The following RBM23 variants were observed in gnomAD, a reference collection of about 807,000 sequenced individuals.
RBM23 encodes RNA binding motif protein 23.
A neutral mutation model predicts 56.2 loss-of-function variants in RBM23; 53 were observed. The ratio of observed to expected loss-of-function variants is 0.94; its 90% CI spans 0.76 to 1.19. The LOEUF (loss-of-function observed/expected upper bound fraction) is 1.19, where lower values mean the gene tolerates loss of function less well. RBM23 is among the 50% of genes most tolerant of loss of function. RBM23 has a pLI of 0.00. For synonymous variants in RBM23, 197 were observed against 198.5 expected, an observed-to-expected ratio of 0.99 and a Z score of 0.06; for missense variants, 642 against 590.3, an observed-to-expected ratio of 1.09 and a Z score of -0.91.
chr14:22,901,803 C>T lies in RBM23; in HGVS notation c.1316+11G>A, dbSNP rs534337472. On this transcript the variant is annotated intron_variant, in intron 13 of 13. Coordinates refer to ENST00000359890, the MANE Select transcript of RBM23 (RefSeq NM_001077351.2). ...ATCAAAGGCTAGAATGAGCTAGACC[C>T]TGAGACTCACATGGTCTGGGGGGTA... 1.2e-6 allele frequency: 2 copies of T among 1,613,910 alleles called. No homozygotes were observed. The highest frequency in any genetic ancestry group is 1.7e-6 in the Non-Finnish European group (2 of 1,179,898).
At position 22,898,670 on chromosome 14, in the gene RBM23, C is replaced by T. The variant is rs928694027; in HGVS notation, c.*3060G>A. ...TCCCAGCAAGAGGCTATGTGAGGAACTAAGAACAAGAAAGAACTGAGGTGG... is the reference window on the plus strand; with the variant it reads ...TCCCAGCAAGAGGCTATGTGAGGAATTAAGAACAAGAAAGAACTGAGGTGG... On this transcript the variant is annotated 3_prime_UTR_variant, in exon 14 of 14. Transcript: ENST00000359890. 2.0e-5 allele frequency: 3 copies of T among 151,734 alleles called. No individual in the cohort carries two copies. The highest frequency in any genetic ancestry group is 7.3e-5 in the African/African-American group (3 of 41,264). 9.4% of individuals were successfully genotyped at this position (151,734 alleles called of 1,614,324 possible). A position where few individuals can be genotyped will look rare whatever the true frequency, so the allele number is the denominator to read the frequency against.
intron 1 of RBM23, among the ~76,000 whole-genome samples, chr14:22,915,469 G>T (rs934919167): frequency 2.0e-5 from 3 of 150,548 alleles, no homozygotes; most frequent in Non-Finnish European, 4.4e-5. Context: ...AAAGTGCTGG[G>T]ATTACAGGCA....
chr14:22,911,358 G>A lies in RBM23; in HGVS notation c.36C>T (p.Ala12=), dbSNP rs1485712889. The A allele has an allele frequency of 3.1e-6, 5 of 1,613,760 alleles. No homozygotes were observed. The highest frequency in any genetic ancestry group is 4.2e-6 in the Non-Finnish European group (5 of 1,179,754). The change falls in exon 2 of 14, where the codon GCC becomes GCT. Residue 12 remains alanine, a synonymous_variant. Coordinates refer to ENST00000359890, the MANE Select transcript of RBM23 (RefSeq NM_001077351.2). The part of the protein sequence containing the change: ...ASDDFDIVIE[A]MLEAPYKKEE... ...CTTTTTTATAGGGAGCTTCCAGCATGGCCTCAATCACTATGTCAAAGTCAT... is the reference window on the plus strand; with the variant it reads ...CTTTTTTATAGGGAGCTTCCAGCATAGCCTCAATCACTATGTCAAAGTCAT...
chr14:22,900,893 G>C lies in RBM23; in HGVS notation c.*837C>G, dbSNP rs2040406564. ...GGGATGGGAGTAGCTATAATTGCCA[G>C]GGTTGAGGCCACAGTAGAGGCACAC... On this transcript the variant is annotated 3_prime_UTR_variant, in exon 14 of 14. Transcript: ENST00000359890. 6.6e-6 allele frequency: 1 copy of C among 152,240 alleles called. No individual in the cohort carries two copies. Among genetic ancestry groups the C allele is most frequent in the African/African-American group, 2.4e-5 (1 of 41,512 alleles). The allele number at this position is 152,240 out of a possible 1,614,324, so 9.4% of individuals were successfully genotyped here.
rs1481513495 is a variant in RBM23, at chr14:22,902,535, A to C, written c.931-153T>G. 5.2e-6 allele frequency: 7 copies of C among 1,357,778 alleles called. No homozygotes were observed. In the African/African-American group the frequency reaches 1.0e-4, roughly 20 times the overall value. 84.1% of individuals were successfully genotyped at this position (1,357,778 alleles called of 1,614,324 possible). On this transcript the variant is annotated intron_variant, in intron 10 of 13. Transcript: ENST00000359890. ...CCAGAAAATATGACCTAGGCCCATC[A>C]CCTCAAAATGGTTCTCTGAAAAGGA...
intron 1 of RBM23, chr14:22,911,614 TG>T (rs2042535239): frequency 5.0e-6 from 2 of 400,042 alleles, no homozygotes; most frequent in South Asian, 2.9e-5. Context: ...CTTTGTGGCT[TG>T]GAACAGTCAA....
intron 9 of RBM23, 57 bp downstream of exon 9, chr14:22,904,818 A>C (rs1298529242): frequency 1.2e-6 from 2 of 1,605,858 alleles, no homozygotes; most frequent in East Asian, 2.2e-5. Context: ...ACACTCAAAC[A>C]CTCACCCTCC....
rs748576307 is a variant in RBM23 at position 22,911,343 on chromosome 14, G to A, written c.51C>T (p.Pro17=). 4.3e-6 allele frequency: 7 copies of A among 1,613,468 alleles called. No individual in the cohort carries two copies. The highest frequency in any genetic ancestry group is 5.9e-6 in the Non-Finnish European group (7 of 1,179,650). Residue 17 remains proline, a synonymous_variant, in exon 2 of 14, where the codon CCC becomes CCT. Transcript: ENST00000359890. ...AAAATATTACCTCTTCTTTTTTATA[G>A]GGAGCTTCCAGCATGGCCTCAATCA... ...DIVIEAMLEA[P]YKKEEDEQQR... is the part of the protein sequence containing the mutation.
At position 22,902,056 on chromosome 14, in the gene RBM23, G is replaced by GGCGGCA. The variant is rs1555335713; in HGVS notation, c.1169_1170insTGCCGC (p.Ala392_Ala393dup). ...GCAAGGCAGCAGCCTGGGCGGCGGC[G>GGCGGCA]GCAGCAGCAGCAGCAGCAGTGCTTG... On this transcript the variant is annotated inframe_insertion, in exon 12 of 14. Transcript: ENST00000359890. 1.0e-4 allele frequency: 164 copies of GGCGGCA among 1,605,910 alleles called. No individual in the cohort carries two copies. Among genetic ancestry groups the GGCGGCA allele is most frequent in the South Asian group, 5.3e-4 (48 of 90,078 alleles).
Position 22,906,244 on chromosome 14 carries a change from G to A in RBM23, c.352C>T (p.His118Tyr). 1.2e-6 allele frequency: 2 copies of A among 1,614,236 alleles called. No individual in the cohort carries two copies. The highest frequency in any genetic ancestry group is 1.7e-6 in the Non-Finnish European group (2 of 1,180,048). The change falls in exon 5 of 14, where the codon CAT becomes TAT. Residue 118 changes from histidine to tyrosine, a missense_variant. By Grantham distance (83) the His-to-Tyr change is moderately conservative. Coordinates refer to ENST00000359890, the MANE Select transcript of RBM23 (RefSeq NM_001077351.2). ...RHGSESRSRD[H>Y]RREDRVHYRS... is the part of the protein sequence containing the mutation. ...TAATGCACACGATCCTCACGACGATGGTCCCGACTTCGCGACTCACTACCA... is the reference window on the plus strand; with the variant it reads ...TAATGCACACGATCCTCACGACGATAGTCCCGACTTCGCGACTCACTACCA...
At chr14:22,915,496 CT>C (rs71115587) in intron 1 of RBM23, among the ~76,000 whole-genome samples, 63,636 of 123,712 alleles carry the variant, frequency 0.51, 16,443 homozygotes, top group South Asian at 0.7. Context: ...CCATGCCTGG[CT>C]TTTTTTTTTT....
intron 10 of RBM23, chr14:22,903,859 G>A: frequency 8.8e-7 from 1 of 1,137,348 alleles, no homozygotes; most frequent in Non-Finnish European, 1.1e-6. Context: ...AAATGGGGTA[G>A]CACCAGAGGG....
chr14:22,911,074 G>A (rs1185968020), intron 2 of RBM23, among the ~76,000 whole-genome samples: 3 of 152,158 alleles, frequency 2.0e-5, no homozygotes, highest in African/African-American at 4.8e-5. Context: ...GTGTCACTTC[G>A]AGTTTTGAGC....
At chr14:22,904,664 C>G (rs1409605772) in intron 9 of RBM23, among the ~76,000 whole-genome samples, 2 of 152,030 alleles carry the variant, frequency 1.3e-5, no homozygotes, top group African/African-American at 4.8e-5. Context: ...TCTTTCTTAA[C>G]CTGGCCTATT....
chr14:22,908,526 G>A (rs1207790248), intron 3 of RBM23, 146 bp from the exon 4 acceptor site: 7 of 776,904 alleles, frequency 9.0e-6, no homozygotes, highest in Non-Finnish European at 1.4e-5. Context: ...CTGAGTAGCT[G>A]GGATTACAGG....
rs765595166 is a variant in RBM23 at position 22,905,266 on chromosome 14, A to T, written c.574-20T>A. 2.5e-6 allele frequency: 4 copies of T among 1,613,904 alleles called. No homozygotes were observed. The highest frequency in any genetic ancestry group is 3.4e-6 in the Non-Finnish European group (4 of 1,179,910). ...GCGAACCTATCCAGGACGCAAAAGA[A>T]ATCCTGAGTTAGGCATAAAGGGAGA... On this transcript the variant is annotated intron_variant, in intron 7 of 13. Transcript: ENST00000359890.
In RBM23 at chr14:22,905,630, T is replaced by G; in HGVS notation, c.431A>C (p.His144Pro). 6.2e-7 allele frequency: 1 copy of G among 1,610,284 alleles called. No individual in the cohort carries two copies. Among genetic ancestry groups the G allele is most frequent in the South Asian group, 1.1e-5 (1 of 91,002 alleles). Residue 144 changes from histidine (H) to proline (P), a missense_variant, in exon 6 of 14, where the codon CAT becomes CCT. Physicochemically the swap from His to Pro is moderately conservative, Grantham distance 77 (BLOSUM62 -2). Transcript: ENST00000359890. ...GYRYGHSKSP[H>P]FREKSPVREP... is the part of the protein sequence containing the mutation. Reference sequence around the variant, plus strand: ...CCTGACTGGGCTCTTCTCTCTGAAATGAGGACTCTTACTGTGTCCATACCT... The same window carrying G: ...CCTGACTGGGCTCTTCTCTCTGAAAGGAGGACTCTTACTGTGTCCATACCT...
intron 1 of RBM23, among the ~76,000 whole-genome samples, chr14:22,918,194 AG>A (rs1353214231): frequency 2.0e-5 from 3 of 151,984 alleles, no homozygotes; most frequent in Non-Finnish European, 2.9e-5. Flanking sequence ...CAGGAGTTCG[AG>A]GTCAGCCTGG....
chr14:22,903,589 C>T (rs1357714679), intron 10 of RBM23: 1 of 989,316 alleles, frequency 1.0e-6, no homozygotes, highest in South Asian at 4.6e-5. Flanking sequence ...CAACCTACTG[C>T]CCTCTGCCCT....
Sources: gnomAD v4.1 joint callset for allele counts (sites outside exome capture counted in the v4.1 genomes callset) on GRCh38, gnomAD v4.1.1 for gene constraint, MANE v1.5 for transcripts, NCBI Gene and HGNC (gene_info 2026-07-23, HGNC 2026-07-21) for gene names.